Variants in LRP1B observed in about 807,000 individuals in gnomAD.
LRP1B encodes LDL receptor related protein 1B.
A neutral mutation model predicts 556.6 loss-of-function variants in LRP1B; 217 were observed. The observed-to-expected ratio is 0.39, with a 90% CI of 0.35 to 0.44. The LOEUF is 0.44. Ranked by LOEUF, LRP1B falls within the 20% of genes least tolerant of loss-of-function variation. LRP1B has a pLI of 1.00. For missense variants in LRP1B, 5,053 were observed against 5,620.8 expected (o/e 0.90, Z 3.23); for synonymous variants, 2,047 against 1,865.8 (o/e 1.10, Z -2.50).
chr2:142,048,180 G>T (rs969898719), intron 1 of LRP1B, among the ~76,000 whole-genome samples: 1 of 151,846 alleles, frequency 6.6e-6, no homozygotes, highest in African/African-American at 2.4e-5. Context: ...GCAAAGTTTT[G>T]TCTTTTAGTT....
chr2:140,852,731 A>T (rs1473637181), intron 27 of LRP1B, among the ~76,000 whole-genome samples: 1 of 151,958 alleles, frequency 6.6e-6, no homozygotes, highest in Non-Finnish European at 1.5e-5. Context: ...ATGACTTATG[A>T]TTTTTCAAAT....
intron 18 of LRP1B, among the ~76,000 whole-genome samples, chr2:140,965,934 T>C (rs993082539): frequency 2.0e-5 from 3 of 152,024 alleles, no homozygotes; most frequent in African/African-American, 7.2e-5. Context: ...ATGTGCCACA[T>C]TCTCTTAATC....
intron 2 of LRP1B, among the ~76,000 whole-genome samples, chr2:141,593,340 T>C (rs1169650408): frequency 6.6e-6 from 1 of 152,220 alleles, no homozygotes; most frequent in Non-Finnish European, 1.5e-5. Context: ...GAATGAATGA[T>C]ACTACTTTGT....
At chr2:140,664,836 A>G (rs1263811841) in intron 41 of LRP1B, among the ~76,000 whole-genome samples, 1 of 152,100 alleles carries the variant, frequency 6.6e-6, no homozygotes, top group Non-Finnish European at 1.5e-5. Context: ...AACAAACAGA[A>G]AAACATTATA....
At chr2:140,528,054 T>C (rs1236921932) in intron 47 of LRP1B, among the ~76,000 whole-genome samples, 1 of 151,848 alleles carries the variant, frequency 6.6e-6, no homozygotes, top group African/African-American at 2.4e-5. Context: ...TTGCAACTCG[T>C]TTCACCATCA....
intron 57 of LRP1B, among the ~76,000 whole-genome samples, chr2:140,491,632 C>A (rs1347973073): frequency 6.6e-6 from 1 of 151,928 alleles, no homozygotes; most frequent in African/African-American, 2.4e-5. Context: ...ACTATTTGGG[C>A]AGCAAAAAAC....
intron 6 of LRP1B, among the ~76,000 whole-genome samples, chr2:141,202,492 A>G (rs1397776044): frequency 4.6e-5 from 7 of 152,274 alleles, no homozygotes; most frequent in Non-Finnish European, 1.0e-4. Flanking sequence ...GAATTGCCAC[A>G]TTGCTTTCCA....
chr2:140,475,395 A>G, intron 59 of LRP1B, 58 bp from the exon 60 acceptor site: 3 of 1,318,408 alleles, frequency 2.3e-6, no homozygotes, highest in Non-Finnish European at 3.2e-6. Context: ...CAAAACAACA[A>G]ACAATATATT....
At chr2:140,745,657 T>TTTCA (rs2104877882) in intron 35 of LRP1B, among the ~76,000 whole-genome samples, 1 of 152,254 alleles carries the variant, frequency 6.6e-6, no homozygotes, top group African/African-American at 2.4e-5. Flanking sequence ...ATTTGTTCCC[T>TTTCA]TTCATGAAAG....
chr2:141,044,216 T>A (rs1199044538), intron 11 of LRP1B, among the ~76,000 whole-genome samples: 1 of 151,544 alleles, frequency 6.6e-6, no homozygotes, highest in East Asian at 1.9e-4. Context: ...TGGCTAGCCG[T>A]ATGTAGAAAG....
chr2:141,820,309 ATAAT>A (rs1323787208), intron 1 of LRP1B, among the ~76,000 whole-genome samples: 7 of 152,230 alleles, frequency 4.6e-5, no homozygotes, highest in African/African-American at 1.7e-4. Context: ...TCTTAAGTCT[ATAAT>A]TAATAGAAAT....
chr2:141,861,909 A>G (rs946248510), intron 1 of LRP1B, among the ~76,000 whole-genome samples: 34 of 151,970 alleles, frequency 2.2e-4, no homozygotes, highest in African/African-American at 7.7e-4. Flanking sequence ...TAGCCTGGGC[A>G]ACAGAGTGAG....
At chr2:140,349,438 A>C (rs1283790895) in intron 77 of LRP1B, among the ~76,000 whole-genome samples, 4 of 152,006 alleles carry the variant, frequency 2.6e-5, no homozygotes, top group Non-Finnish European at 5.9e-5. Context: ...CCATCTAAAT[A>C]ATACTTCCTA....
At chr2:141,841,608 G>A (rs1405080475) in intron 1 of LRP1B, among the ~76,000 whole-genome samples, 1 of 151,976 alleles carries the variant, frequency 6.6e-6, no homozygotes, top group Non-Finnish European at 1.5e-5. Flanking sequence ...GTATTCTTTG[G>A]CTTGAAAGCA....
chr2:140,903,298 G>T, intron 22 of LRP1B, 133 bp from the exon 23 acceptor site: 3 of 969,916 alleles, frequency 3.1e-6, no homozygotes, highest in Non-Finnish European at 4.4e-6. Context: ...GCCCTCTTTG[G>T]CTTATTTTTG....
At chr2:141,995,246 C>T (rs1289966460) in intron 1 of LRP1B, among the ~76,000 whole-genome samples, 1 of 152,120 alleles carries the variant, frequency 6.6e-6, no homozygotes, top group Non-Finnish European at 1.5e-5. Flanking sequence ...GTCTGCAGTG[C>T]TAGTTCCTCC....
chr2:141,519,473 G>T (rs111313309), intron 2 of LRP1B, among the ~76,000 whole-genome samples: 1 of 148,058 alleles, frequency 6.8e-6, no homozygotes, highest in South Asian at 2.1e-4. Context: ...TGTTTTCAAA[G>T]AACAAATAAT....
At chr2:140,398,319 A>G (rs1463815017) in intron 66 of LRP1B, among the ~76,000 whole-genome samples, 1 of 152,140 alleles carries the variant, frequency 6.6e-6, no homozygotes, top group African/African-American at 2.4e-5. Flanking sequence ...AAAATCAAGG[A>G]AAAAGGACAC....
At chr2:140,466,395 C>A (rs1418559274) in intron 60 of LRP1B, among the ~76,000 whole-genome samples, 2 of 152,012 alleles carry the variant, frequency 1.3e-5, no homozygotes, top group Non-Finnish European at 2.9e-5. Context: ...CACAGAACTG[C>A]CCCCTCACAA....
Sources: gnomAD v4.1 joint callset for allele counts (sites outside exome capture counted in the v4.1 genomes callset) on GRCh38, gnomAD v4.1.1 for gene constraint, MANE v1.5 for transcripts, NCBI Gene and HGNC (gene_info 2026-07-23, HGNC 2026-07-21) for gene names.